The following PPP2R3B variants were observed in gnomAD, a reference collection of about 807,000 sequenced individuals.
PPP2R3B encodes the protein protein phosphatase 2 regulatory subunit B''beta, also known as serine/threonine-protein phosphatase 2A regulatory subunit B'' subunit beta.
Under a neutral mutation model 72.9 loss-of-function variants are expected in PPP2R3B, and 68 were observed. The observed-to-expected ratio is 0.93, with a 90% CI of 0.77 to 1.14. PPP2R3B has a LOEUF of 1.14. Ranked by LOEUF, PPP2R3B falls within the 50% of genes most tolerant of loss-of-function variation. The pLI is 0.00. For missense variants in PPP2R3B, 1,018 were observed against 842.0 expected (o/e 1.21, Z -2.59); for synonymous variants, 466 against 375.8 (o/e 1.24, Z -2.78).
At chrX:347,830 T>C (rs2738349) in intron 2 of PPP2R3B, 137 bp from the exon 3 acceptor site, 475,815 of 632,794 alleles carry the variant, frequency 0.75, 180,218 homozygotes, top group Middle Eastern at 0.83. Context: ...GCGGCCTGTC[T>C]GGGCATCTGC....
At chrX:383,891 A>G (rs1284313038) in intron 1 of PPP2R3B, among the ~76,000 whole-genome samples, 1 of 151,244 alleles carries the variant, frequency 6.6e-6, no homozygotes, top group Admixed American at 6.6e-5. Flanking sequence ...AAAACAACTA[A>G]GTTCCCAGTC....
At chrX:345,476 G>A (rs774516748) in intron 7 of PPP2R3B, 40 bp downstream of exon 7, 12 of 1,610,792 alleles carry the variant, frequency 7.4e-6, no homozygotes, top group South Asian at 4.4e-5. Context: ...GGGTGTGCTC[G>A]GTGTCCGCGC....
intron 2 of PPP2R3B, among the ~76,000 whole-genome samples, chrX:348,045 G>C (rs190349052): frequency 6.6e-6 from 1 of 152,138 alleles, no homozygotes; most frequent in Admixed American, 6.6e-5. Flanking sequence ...CAGGCAACGC[G>C]GTGAATCGGA....
intron 6 of PPP2R3B, 75 bp from the exon 7 acceptor site, chrX:345,747 G>A: frequency 6.5e-7 from 1 of 1,531,000 alleles, no homozygotes; most frequent in South Asian, 1.2e-5. Flanking sequence ...TGCGGGCGGG[G>A]CAGGGAAGGC....
At chrX:373,941 C>G (rs1282297912) in intron 1 of PPP2R3B, 1 of 153,296 alleles carries the variant, frequency 6.5e-6, no homozygotes, top group Non-Finnish European at 1.4e-5. Context: ...GCTCCCTGCA[C>G]TGCCCTCCGC....
chrX:346,503 C>T (rs1256386895), intron 5 of PPP2R3B, 198 bp downstream of exon 5: 6 of 633,484 alleles, frequency 9.5e-6, no homozygotes, highest in Admixed American at 3.1e-5. Flanking sequence ...GAAGGGGGTG[C>T]GGCCACCCCG....
intron 1 of PPP2R3B, among the ~76,000 whole-genome samples, chrX:364,277 G>T (rs1290501902): frequency 1.3e-5 from 2 of 152,170 alleles, no homozygotes; most frequent in Non-Finnish European, 1.5e-5. Flanking sequence ...GGAGCTGCTG[G>T]TACGAGCTGG....
chrX:345,200 G>A, intron 7 of PPP2R3B: 2 of 608,056 alleles, frequency 3.3e-6, no homozygotes, highest in South Asian at 3.0e-5. Flanking sequence ...GCCCGCCCTT[G>A]CTCGGGTGTT....
At chrX:356,015 A>G (rs1430017580) in intron 2 of PPP2R3B, among the ~76,000 whole-genome samples, 1 of 152,190 alleles carries the variant, frequency 6.6e-6, no homozygotes, top group African/African-American at 2.4e-5. Flanking sequence ...CCCCAAAATG[A>G]AAAAAAGGCA....
Position 340,288 on chromosome X carries a change from C to G in PPP2R3B, c.1351+477G>C, listed in dbSNP as rs1204496500. Among the ~76,000 whole-genome samples the G allele has an allele frequency of 4.0e-5, 6 of 150,134 alleles. No individual in the cohort carries two copies. The East Asian group carries it at 1.2e-3, about 31-fold the overall frequency. On this transcript the variant is annotated intron_variant, in intron 10 of 12. Coordinates refer to ENST00000390665, the MANE Select transcript of PPP2R3B (RefSeq NM_013239.5). ...TCCCTCAGCCCAGTGCCAACGTCCCCGGTGAGCTCCGGCCCTAGGTTCTCT... is the reference window on the plus strand; with the variant it reads ...TCCCTCAGCCCAGTGCCAACGTCCCGGGTGAGCTCCGGCCCTAGGTTCTCT...
At chrX:334,553 C>T (rs776061282) in intron 12 of PPP2R3B, 36 bp from the exon 13 acceptor site, 40 of 1,471,912 alleles carry the variant, frequency 2.7e-5, no homozygotes, top group Middle Eastern at 4.3e-4. Context: ...TGGCCAGCAG[C>T]GCGGAGCAGG....
intron 2 of PPP2R3B, among the ~76,000 whole-genome samples, chrX:359,326 A>T (rs1266737969): frequency 5.3e-5 from 8 of 152,244 alleles, no homozygotes; most frequent in Non-Finnish European, 1.0e-4. Context: ...AAGCTGAGCA[A>T]GGCGTGTTAA....
intron 2 of PPP2R3B, among the ~76,000 whole-genome samples, chrX:348,352 G>A (rs1195113804): frequency 2.0e-5 from 3 of 152,060 alleles, no homozygotes. Context: ...GAGGGGGGTG[G>A]ATCACCTGAG....
chrX:341,507 TCCTCCTGCCCC>T lies in PPP2R3B; in HGVS notation c.1086-122_1086-112del, dbSNP rs775033622. On this transcript the variant is annotated intron_variant, in intron 8 of 12. Transcript: ENST00000390665. ...GAGGGGAGCCCCCCGGGCCCGGCCC[TCCTCCTGCCCC>T]CCTCCTGCCCCTCCTCCTGCCTCTC... 7.8e-4 allele frequency: 806 copies of T among 1,034,076 alleles called. 5 individuals carry two copies. The East Asian group carries it at 0.018, about 23-fold the overall frequency. 64.1% of individuals were successfully genotyped at this position (1,034,076 alleles called of 1,614,324 possible).
rs541102677 is a variant in PPP2R3B, at chrX:354,458, T to C, written c.511-6765A>G. 4.5e-4 allele frequency among the ~76,000 whole-genome samples: 69 copies of C among 152,382 alleles called. 1 individual carries two copies. The South Asian group carries it at 0.014, about 31-fold the overall frequency. On this transcript the variant is annotated intron_variant, in intron 2 of 12. Coordinates refer to ENST00000390665, the MANE Select transcript of PPP2R3B (RefSeq NM_013239.5). ...ACGTCAGTCAGGTCCATTCACCTTTTACAGGACCAAAGGAAAACCTCACTG... is the reference window on the plus strand; with the variant it reads ...ACGTCAGTCAGGTCCATTCACCTTTCACAGGACCAAAGGAAAACCTCACTG...
chrX:363,411 G>A (rs35787160), intron 1 of PPP2R3B, among the ~76,000 whole-genome samples: 23,549 of 43,570 alleles, frequency 0.54, 4,326 homozygotes, highest in Admixed American at 0.58. Context: ...CAATCCCACA[G>A]TGCATCTCCC....
At chrX:379,830 C>A (rs1257783920) in intron 1 of PPP2R3B, among the ~76,000 whole-genome samples, 2 of 152,184 alleles carry the variant, frequency 1.3e-5, no homozygotes, top group African/African-American at 4.8e-5. Context: ...TGCTGGAAAG[C>A]AATTTTTAAA....
intron 8 of PPP2R3B, 61 bp downstream of exon 8, chrX:341,822 G>A (rs1388003897): frequency 2.5e-6 from 4 of 1,570,512 alleles, no homozygotes; most frequent in South Asian, 2.2e-5. Flanking sequence ...CAACGATGAG[G>A]AGAGGGACCG....
intron 2 of PPP2R3B, among the ~76,000 whole-genome samples, chrX:350,974 C>T (rs1471283251): frequency 6.6e-6 from 1 of 152,130 alleles, no homozygotes; most frequent in Non-Finnish European, 1.5e-5. Context: ...TAAACTGTGG[C>T]AGAGTCGTCC....
Sources: allele counts gnomAD v4.1 joint callset (sites outside exome capture counted in the v4.1 genomes callset), GRCh38; gene constraint gnomAD v4.1.1; transcripts MANE v1.5; gene names NCBI Gene and HGNC (gene_info 2026-07-23, HGNC 2026-07-21).